DOCK10: variants seen among roughly 807,000 people sequenced by gnomAD.
DOCK10 encodes dedicator of cytokinesis protein 10.
DOCK10 carries 145 observed loss-of-function variants against 280.1 expected under a neutral mutation model. The ratio of observed to expected loss-of-function variants is 0.52; its 90% CI spans 0.45 to 0.59. The LOEUF is 0.59. Among genes scored for constraint, DOCK10 ranks in the 20% least tolerant of loss-of-function variants. The pLI is 0.00. For missense variants in DOCK10, 2,368 were observed against 2,651.7 expected (o/e 0.89, Z 2.35); for synonymous variants, 915 against 942.2 (o/e 0.97, Z 0.53).
intron 7 of DOCK10, among the ~76,000 whole-genome samples, chr2:224,878,120 G>A (rs1574981460): frequency 6.6e-6 from 1 of 152,268 alleles, no homozygotes; most frequent in East Asian, 1.9e-4. Flanking sequence ...TTGGTGACAA[G>A]CAAAAATTTC....
chr2:224,865,043 G>A lies in DOCK10; in HGVS notation c.1302C>T (p.Asp434=), dbSNP rs753629047. 4.3e-6 allele frequency: 7 copies of A among 1,613,964 alleles called. No homozygotes were observed. Among genetic ancestry groups the A allele is most frequent in the Middle Eastern group, 1.7e-4 (1 of 6,056 alleles). Residue 434 remains aspartate (D), a synonymous_variant, in exon 12 of 56, where the codon GAC becomes GAT. Coordinates refer to ENST00000258390, the MANE Select transcript of DOCK10 (RefSeq NM_014689.3). ...GAAAATCAGCAGAAATCTTCCTGCT[G>A]TCTCTGAGGTCATAAAGTGCCACAC... ...FVSVALYDLR[D]SRKISADFHV...
At chr2:224,861,389 T>G (rs1359433775) in intron 14 of DOCK10, 1 of 152,196 alleles carries the variant, frequency 6.6e-6, no homozygotes, top group Non-Finnish European at 1.5e-5. Flanking sequence ...CAAGTCACAG[T>G]AAGTAGTGGC....
intron 26 of DOCK10, among the ~76,000 whole-genome samples, chr2:224,833,486 A>AT (rs61164574): frequency 7.2e-4 from 105 of 144,828 alleles, no homozygotes; most frequent in Middle Eastern, 3.6e-3. Context: ...TCGCCTTCAA[A>AT]TTTTTTTTTT....
chr2:224,865,912 C>G (rs1427518680), intron 11 of DOCK10, among the ~76,000 whole-genome samples: 2 of 151,950 alleles, frequency 1.3e-5, no homozygotes, highest in Non-Finnish European at 2.9e-5. Context: ...CACACTCTCT[C>G]TCTCTCTAAC....
At chr2:225,018,540 TTA>T (rs566641136) in intron 1 of DOCK10, among the ~76,000 whole-genome samples, 35 of 6,412 alleles carry the variant, frequency 5.5e-3, no homozygotes, top group African/African-American at 0.014. Flanking sequence ...ATATGTAATA[TTA>T]TATATATATA....
intron 47 of DOCK10, 134 bp from the exon 48 acceptor site, chr2:224,789,304 T>C: frequency 5.1e-6 from 3 of 583,978 alleles, no homozygotes; most frequent in Non-Finnish European, 9.2e-6. Context: ...GGTTAGATTA[T>C]GACTATTGAT....
chr2:225,007,977 G>A (rs145887783), intron 1 of DOCK10, among the ~76,000 whole-genome samples: 1 of 152,038 alleles, frequency 6.6e-6, no homozygotes, highest in African/African-American at 2.4e-5. Context: ...AATGGAGTGG[G>A]GGCAAATAAA....
rs770285454 is a variant in DOCK10 at position 224,770,509 on chromosome 2, G to A, written c.6305+36C>T. The A allele has an allele frequency of 8.8e-6, 14 of 1,595,604 alleles. No individual in the cohort carries two copies. The highest frequency in any genetic ancestry group is 1.7e-5 in the Admixed American group (1 of 59,930). On this transcript the variant is annotated intron_variant, in intron 54 of 55. Coordinates refer to ENST00000258390, the MANE Select transcript of DOCK10 (RefSeq NM_014689.3). This position sits in a 1 kb window ranked among gnomAD's most constrained non-coding sequence, Gnocchi z 4.5. ...GATTGAGGACTCCCTGTCTCAGGAA[G>A]TTCAAGGAAGAACATCCCAACAGCG... is the stretch of plus-strand genomic sequence containing the variant.
chr2:224,851,817 A>ATTTTTGT (rs1204486314), intron 18 of DOCK10, among the ~76,000 whole-genome samples: 13 of 152,346 alleles, frequency 8.5e-5, no homozygotes, highest in Admixed American at 3.3e-4. Flanking sequence ...ATCCCGTTGC[A>ATTTTTGT]GCTTTGTAGA....
At chr2:224,767,892 G>A (rs1394788404) in intron 55 of DOCK10, among the ~76,000 whole-genome samples, 1 of 149,776 alleles carries the variant, frequency 6.7e-6, no homozygotes, top group African/African-American at 2.5e-5. Flanking sequence ...ATATTTTGAT[G>A]TGTAGCTATC....
intron 50 of DOCK10, among the ~76,000 whole-genome samples, chr2:224,782,973 C>T (rs531933285): frequency 1.2e-4 from 18 of 152,312 alleles, no homozygotes; most frequent in African/African-American, 1.7e-4. Context: ...ATTCTGTACA[C>T]GTTCGGGGGA....
chr2:224,925,735 C>T (rs1370683702), intron 2 of DOCK10, among the ~76,000 whole-genome samples: 1 of 152,178 alleles, frequency 6.6e-6, no homozygotes, highest in Non-Finnish European at 1.5e-5. Context: ...GACATCAGAA[C>T]TTTCTTATTT....
intron 1 of DOCK10, among the ~76,000 whole-genome samples, chr2:224,941,661 T>C (rs1409856545): frequency 6.6e-6 from 1 of 151,874 alleles, no homozygotes. Context: ...CTGGCCAACA[T>C]GGTGAAACCC....
chr2:224,852,492 C>T (rs936216277), intron 17 of DOCK10, 50 bp from the exon 18 acceptor site: 7 of 1,456,928 alleles, frequency 4.8e-6, no homozygotes, highest in Non-Finnish European at 4.7e-6. Context: ...TATCAAATAA[C>T]ATAAAAAACC....
chr2:224,912,717 T>G (rs1701095706), intron 3 of DOCK10, among the ~76,000 whole-genome samples: 1 of 152,130 alleles, frequency 6.6e-6, no homozygotes, highest in Non-Finnish European at 1.5e-5. Flanking sequence ...CTTGCTTTTT[T>G]CTCCTAACAA....
At chr2:225,036,434 CT>C (rs1253598353) in intron 1 of DOCK10, among the ~76,000 whole-genome samples, 1 of 152,162 alleles carries the variant, frequency 6.6e-6, no homozygotes, top group Non-Finnish European at 1.5e-5. Context: ...CATCAATTGA[CT>C]TTATCTAAAA....
intron 1 of DOCK10, among the ~76,000 whole-genome samples, chr2:224,946,548 A>G (rs745741488): frequency 1.1e-4 from 17 of 152,194 alleles, no homozygotes; most frequent in Non-Finnish European, 1.9e-4. Context: ...TTCTTCAGAA[A>G]TTTTAATTTG....
Position 224,765,845 on chromosome 2 carries a change from C to G in DOCK10, c.6445-8G>C. 1 of 1,606,076 alleles carries G rather than the reference C, an allele frequency of 6.2e-7. No individual in the cohort carries two copies. The highest frequency in any genetic ancestry group is 8.5e-7 in the Non-Finnish European group (1 of 1,173,600). Reference sequence around the variant, plus strand: ...GTCGTCCCTGCCCGTAATCTTAAAACAGGGAAAAACACAACACAACAGAAT... The same window carrying G: ...GTCGTCCCTGCCCGTAATCTTAAAAGAGGGAAAAACACAACACAACAGAAT... On this transcript the variant is annotated splice_region_variant and splice_polypyrimidine_tract_variant and intron_variant, in intron 55 of 55. Coordinates refer to ENST00000258390, the MANE Select transcript of DOCK10 (RefSeq NM_014689.3).
At chr2:225,005,498 C>A (rs1382078629) in intron 1 of DOCK10, among the ~76,000 whole-genome samples, 1 of 152,188 alleles carries the variant, frequency 6.6e-6, no homozygotes, top group African/African-American at 2.4e-5. Flanking sequence ...TTAGTATATA[C>A]TTAACAAAAT....
Sources: gnomAD v4.1 joint callset for allele counts (sites outside exome capture counted in the v4.1 genomes callset) on GRCh38, gnomAD v4.1.1 for gene constraint, Gnocchi (gnomAD v3.1) non-coding constraint, MANE v1.5 for transcripts, NCBI Gene and HGNC (gene_info 2026-07-23, HGNC 2026-07-21) for gene names.